NPC1: variants seen among roughly 807,000 people sequenced by gnomAD.
NPC1 encodes the protein NPC intracellular cholesterol transporter 1.
Under a neutral mutation model 140.4 loss-of-function variants are expected in NPC1, and 85 were observed. The observed-to-expected ratio is 0.61, with a 90% CI of 0.51 to 0.72. The LOEUF (loss-of-function observed/expected upper bound fraction) is 0.72, where lower values mean the gene tolerates loss of function less well. NPC1 is among the 30% of genes least tolerant of loss of function. The pLI is 0.00. For synonymous variants in NPC1, 656 were observed against 624.8 expected (o/e 1.05, Z -0.74); for missense variants, 1,504 against 1,623.8 (o/e 0.93, Z 1.27).
rs542153802 is a variant in NPC1, at chr18:23,551,793, T to C, written c.1554-66A>G. 39 of 1,054,956 alleles carry C rather than the reference T, an allele frequency of 3.7e-5. No individual in the cohort carries two copies. In the African/African-American group the frequency reaches 5.9e-4, roughly 16 times the overall value. The allele number at this position is 1,054,956 out of a possible 1,614,324, so 65.3% of individuals were successfully genotyped here. A position where few individuals can be genotyped will look rare whatever the true frequency, so the allele number is the denominator to read the frequency against. ...CTCAAGACATCAGGGACCTAAACAT[T>C]TACACAGTGAACATTTGATGAGGCT... On this transcript the variant is annotated intron_variant, in intron 9 of 24. Transcript: ENST00000269228.
intron 1 of NPC1, among the ~76,000 whole-genome samples, chr18:23,523,728 A>G (rs1033634720): frequency 1.3e-5 from 2 of 152,136 alleles, no homozygotes; most frequent in African/African-American, 4.8e-5. Context: ...TCTTAAAGAA[A>G]AAAAAAGATA....
At chr18:23,562,437 G>A (rs558894568) in intron 4 of NPC1, among the ~76,000 whole-genome samples, 2 of 151,884 alleles carry the variant, frequency 1.3e-5, no homozygotes, top group South Asian at 2.1e-4. Flanking sequence ...CTGTACTGTC[G>A]ATTCTCATTT....
In NPC1 at chr18:23,539,852, G is replaced by C; in HGVS notation, c.2754C>G (p.Ser918=). ...VCGGMGCNND[S]LVQQIFNAAQ... is the part of the protein sequence containing the mutation. Reference sequence around the variant, plus strand: ...CCGCGTTAAATATCTGCTGCACCAGGGAATCATTGTTGCAGCCCATGCCGC... The same window carrying C: ...CCGCGTTAAATATCTGCTGCACCAGCGAATCATTGTTGCAGCCCATGCCGC... The change falls in exon 18 of 25, where the codon TCC becomes TCG. Residue 918 remains serine, a synonymous_variant. Coordinates refer to ENST00000269228, the MANE Select transcript of NPC1 (RefSeq NM_000271.5). The C allele has an allele frequency of 6.2e-7, 1 of 1,614,208 alleles. No individual in the cohort carries two copies. Among genetic ancestry groups the C allele is most frequent in the Non-Finnish European group, 8.5e-7 (1 of 1,180,050 alleles).
At chr18:23,573,691 A>G (rs1236459874) in intron 1 of NPC1, 117 bp from the exon 2 acceptor site, 2 of 1,173,138 alleles carry the variant, frequency 1.7e-6, no homozygotes, top group Non-Finnish European at 2.6e-6. Context: ...AAAATTAAGT[A>G]ACAGCAACAG....
intron 3 of NPC1, among the ~76,000 whole-genome samples, chr18:23,513,348 G>T (rs553635167): frequency 1.2e-4 from 19 of 152,316 alleles, no homozygotes; most frequent in Admixed American, 1.2e-3. Context: ...TTTCCTACAG[G>T]TTCCCCCATG....
At chr18:23,555,380 C>T (rs541642133) in intron 8 of NPC1, among the ~76,000 whole-genome samples, 16 of 152,374 alleles carry the variant, frequency 1.1e-4, no homozygotes, top group African/African-American at 3.8e-4. Context: ...TTGCTCTGCA[C>T]TACAGCCATT....
intron 1 of NPC1, among the ~76,000 whole-genome samples, chr18:23,574,405 GA>G (rs936747377): frequency 6.6e-5 from 10 of 152,078 alleles, no homozygotes; most frequent in Admixed American, 3.3e-4. Context: ...AAGATATCAA[GA>G]AGCAGCCATG....
In NPC1 at chr18:23,533,342, T is replaced by C. The variant is rs753229169; in HGVS notation, c.3754+13A>G. On this transcript the variant is annotated intron_variant, in intron 24 of 24. Coordinates refer to ENST00000269228, the MANE Select transcript of NPC1 (RefSeq NM_000271.5). ...CTTCTATTGTGCCACCCTTTTAAGA[T>C]GAGAACTCTTACCTATGTAACTGAG... is the stretch of plus-strand genomic sequence containing the variant. 17 of 1,591,370 alleles carry C rather than the reference T, an allele frequency of 1.1e-5. No individual in the cohort carries two copies. Among genetic ancestry groups the C allele is most frequent in the Non-Finnish European group, 1.4e-5 (16 of 1,159,938 alleles).
intron 4 of NPC1, among the ~76,000 whole-genome samples, chr18:23,566,218 C>T (rs2059120911): frequency 6.6e-6 from 1 of 151,988 alleles, no homozygotes; most frequent in African/African-American, 2.4e-5. Flanking sequence ...AAGCAAGACC[C>T]TATCTCTACA....
intron 10 of NPC1, 110 bp downstream of exon 10, chr18:23,551,517 A>C (rs566467763): frequency 2.3e-6 from 2 of 870,932 alleles, no homozygotes; most frequent in South Asian, 2.6e-5. Flanking sequence ...AGAGGTAAGA[A>C]ATTAACAAAA....
chr18:23,525,258 A>AT (rs958586598), downstream of NPC1, among the ~76,000 whole-genome samples: 4 of 149,578 alleles, frequency 2.7e-5, no homozygotes, highest in East Asian at 2.0e-4. Flanking sequence ...AAGAAATCTT[A>AT]TTTTTTTAAG....
chr18:23,516,272 T>C (rs200066647), intron 3 of NPC1: 1,470 of 1,578,256 alleles, frequency 9.3e-4, no homozygotes, highest in Non-Finnish European at 1.1e-3. Context: ...TGATGAAACA[T>C]TGAAGGGGTT....
chr18:23,559,936 C>T (rs560284947), intron 6 of NPC1, among the ~76,000 whole-genome samples: 4 of 151,218 alleles, frequency 2.6e-5, no homozygotes, highest in East Asian at 1.9e-4. Flanking sequence ...TCAGCCTGGG[C>T]GACAAGAGTG....
intron 6 of NPC1, 64 bp from the exon 7 acceptor site, chr18:23,557,254 C>A: frequency 1.6e-6 from 2 of 1,229,238 alleles, no homozygotes; most frequent in Non-Finnish European, 2.4e-6. Context: ...GTTTTTGGGA[C>A]ATTCCTGTAA....
At chr18:23,556,719 C>T in intron 7 of NPC1, 106 bp from the exon 8 acceptor site, 1 of 1,535,114 alleles carries the variant, frequency 6.5e-7, no homozygotes, top group Non-Finnish European at 8.8e-7. Flanking sequence ...GGAATCAAGC[C>T]CACCTGGGGA....
downstream of NPC1, chr18:23,527,945 C>T (rs753271426): frequency 1.4e-6 from 2 of 1,443,702 alleles, no homozygotes; most frequent in Admixed American, 2.0e-5. Flanking sequence ...TCCCCCACCC[C>T]CTCCCGGGTA....
downstream of NPC1, among the ~76,000 whole-genome samples, chr18:23,530,894 A>C (rs1598922386): frequency 6.6e-6 from 1 of 152,206 alleles, no homozygotes; most frequent in Non-Finnish European, 1.5e-5. Context: ...ATCTTGGAAT[A>C]TCTCTTAAAG....
intron 4 of NPC1, among the ~76,000 whole-genome samples, chr18:23,564,583 G>A (rs1433632628): frequency 6.6e-6 from 1 of 152,224 alleles, no homozygotes. Context: ...TCAGCCACCC[G>A]AACTGCTGGG....
At chr18:23,513,959 C>A (rs915971786) in intron 3 of NPC1, among the ~76,000 whole-genome samples, 1 of 152,144 alleles carries the variant, frequency 6.6e-6, no homozygotes, top group African/African-American at 2.4e-5. Context: ...GTATTTTCTC[C>A]GAATCCGGAG....
Sources: allele counts gnomAD v4.1 joint callset (sites outside exome capture counted in the v4.1 genomes callset), GRCh38; gene constraint gnomAD v4.1.1; transcripts MANE v1.5; gene names NCBI Gene and HGNC (gene_info 2026-07-23, HGNC 2026-07-21).